The following EPM2A variants were observed in gnomAD, a reference collection of about 807,000 sequenced individuals.
The protein encoded by EPM2A is EPM2A glucan phosphatase, laforin.
EPM2A carries 21 observed loss-of-function variants against 26.5 expected under a neutral mutation model. That is an observed-to-expected ratio of 0.79 (90% CI 0.56 to 1.14). The LOEUF (loss-of-function observed/expected upper bound fraction) is 1.14. Among genes scored for constraint, EPM2A ranks in the 50% most tolerant of loss-of-function variants. EPM2A has a pLI of 0.00. For synonymous variants in EPM2A, 217 were observed against 177.6 expected (o/e 1.22, Z -1.76); for missense variants, 458 against 440.8 (o/e 1.04, Z -0.35).
chr6:145,541,804 C>T (rs1337843697), intron 2 of EPM2A, among the ~76,000 whole-genome samples: 1 of 152,040 alleles, frequency 6.6e-6, no homozygotes, highest in African/African-American at 2.4e-5. Flanking sequence ...TTCTTGTGCA[C>T]AGGAATCCGC....
At chr6:145,396,032 G>A (rs1410094995) in intron 4 of EPM2A, among the ~76,000 whole-genome samples, 1 of 152,142 alleles carries the variant, frequency 6.6e-6, no homozygotes, top group Non-Finnish European at 1.5e-5. Context: ...ATTTCAGCAA[G>A]ATCTAGAGCC....
At chr6:145,551,721 A>G (rs1780658082) in intron 2 of EPM2A, among the ~76,000 whole-genome samples, 1 of 152,060 alleles carries the variant, frequency 6.6e-6, no homozygotes, top group Admixed American at 6.6e-5. Context: ...TACTGACCAA[A>G]TATCTCACAC....
intron 1 of EPM2A, among the ~76,000 whole-genome samples, chr6:145,698,729 T>C (rs1046668649): frequency 1.3e-5 from 2 of 152,108 alleles, no homozygotes; most frequent in Non-Finnish European, 2.9e-5. Context: ...CCAAAATTTA[T>C]ATAATGAAGC....
At chr6:145,658,143 T>C (rs1422637741) in intron 2 of EPM2A, among the ~76,000 whole-genome samples, 1 of 152,198 alleles carries the variant, frequency 6.6e-6, no homozygotes, top group Non-Finnish European at 1.5e-5. Context: ...TTGAAGAAAT[T>C]AGTCAGGCCA....
intron 4 of EPM2A, among the ~76,000 whole-genome samples, chr6:145,488,934 C>T (rs1160043685): frequency 6.6e-6 from 1 of 152,046 alleles, no homozygotes; most frequent in Non-Finnish European, 1.5e-5. Context: ...TTATTATAGG[C>T]AAAAATATAA....
intron 1 of EPM2A, among the ~76,000 whole-genome samples, chr6:145,690,851 T>C: frequency 6.6e-6 from 1 of 152,158 alleles, no homozygotes; most frequent in South Asian, 2.1e-4. Flanking sequence ...TTTGAAATTT[T>C]CAAAACTCAA....
At chr6:145,575,470 A>G (rs1781018305) in intron 2 of EPM2A, among the ~76,000 whole-genome samples, 1 of 152,204 alleles carries the variant, frequency 6.6e-6, no homozygotes, top group Non-Finnish European at 1.5e-5. Flanking sequence ...TACAGGAGAT[A>G]AGACTCTCAC....
At chr6:145,539,843 C>T (rs1304545018) in intron 2 of EPM2A, among the ~76,000 whole-genome samples, 1 of 152,144 alleles carries the variant, frequency 6.6e-6, no homozygotes, top group African/African-American at 2.4e-5. Flanking sequence ...CCCCTAAGTA[C>T]ACCTTTCAAA....
At chr6:145,394,461 C>T (rs1378881843) in intron 4 of EPM2A, among the ~76,000 whole-genome samples, 2 of 152,236 alleles carry the variant, frequency 1.3e-5, no homozygotes, top group South Asian at 2.1e-4. Context: ...CAAACCTCTA[C>T]CCAATATAAG....
At chr6:145,599,411 T>C (rs1781388273) in intron 2 of EPM2A, among the ~76,000 whole-genome samples, 1 of 152,014 alleles carries the variant, frequency 6.6e-6, no homozygotes, top group Admixed American at 6.5e-5. Context: ...TTATTGTCCT[T>C]CTTTATTCTC....
At chr6:145,497,735 C>T (rs1779839496), downstream of EPM2A, among the ~76,000 whole-genome samples, 1 of 152,250 alleles carries the variant, frequency 6.6e-6, no homozygotes. Flanking sequence ...AGAACATCGA[C>T]CCAACTGGCT....
chr6:145,701,584 T>C (rs1781912282), intron 1 of EPM2A, among the ~76,000 whole-genome samples: 2 of 152,172 alleles, frequency 1.3e-5, no homozygotes, highest in African/African-American at 4.8e-5. Context: ...GGCCAATTGC[T>C]ACCCAAGAGG....
chr6:145,700,511 C>A (rs1364734683), intron 1 of EPM2A, among the ~76,000 whole-genome samples: 2 of 151,952 alleles, frequency 1.3e-5, no homozygotes, highest in Non-Finnish European at 2.9e-5. Context: ...TTTTTCTAAC[C>A]ACATTTTGCT....
intron 4 of EPM2A, among the ~76,000 whole-genome samples, chr6:145,488,392 T>C (rs950363596): frequency 1.3e-5 from 2 of 152,116 alleles, no homozygotes; most frequent in African/African-American, 4.8e-5. Flanking sequence ...ATTGAAGCTA[T>C]GAATTGCTTT....
chr6:145,730,408 A>G (rs1279339966), intron 1 of EPM2A, among the ~76,000 whole-genome samples: 1 of 152,256 alleles, frequency 6.6e-6, no homozygotes, highest in East Asian at 1.9e-4. Context: ...CATGTGATGA[A>G]CAGAGCTGCA....
chr6:145,595,289 T>C (rs1781327304), intron 2 of EPM2A, among the ~76,000 whole-genome samples: 1 of 151,870 alleles, frequency 6.6e-6, no homozygotes, highest in Admixed American at 6.6e-5. Flanking sequence ...TAAAAAGCCA[T>C]GCAAACTTCA....
intron 2 of EPM2A, among the ~76,000 whole-genome samples, chr6:145,509,508 C>T (rs921255506): frequency 6.6e-6 from 1 of 152,076 alleles, no homozygotes; most frequent in African/African-American, 2.4e-5. Flanking sequence ...AAACAAAGTA[C>T]AAATAAAGTC....
chr6:145,431,413 G>A (rs1778920027), intron 4 of EPM2A, among the ~76,000 whole-genome samples: 1 of 152,142 alleles, frequency 6.6e-6, no homozygotes, highest in South Asian at 2.1e-4. Flanking sequence ...ATATCTCAGA[G>A]ATACTGTGAG....
intron 2 of EPM2A, among the ~76,000 whole-genome samples, chr6:145,606,729 G>A (rs1033936854): frequency 2.6e-5 from 4 of 152,118 alleles, no homozygotes; most frequent in Admixed American, 2.0e-4. Flanking sequence ...TTTCATGGAA[G>A]AGCAGAAATT....
Sources: allele counts gnomAD v4.1 joint callset (sites outside exome capture counted in the v4.1 genomes callset), GRCh38; gene constraint gnomAD v4.1.1; transcripts MANE v1.5; gene names NCBI Gene and HGNC (gene_info 2026-07-23, HGNC 2026-07-21).